Variants in RASGRP2 observed in about 807,000 individuals in gnomAD.
RASGRP2 encodes RAS guanyl releasing protein 2.
Under a neutral mutation model 71.0 loss-of-function variants are expected in RASGRP2, and 44 were observed. The observed-to-expected ratio is 0.62, with a 90% CI of 0.49 to 0.80. The LOEUF (loss-of-function observed/expected upper bound fraction) is 0.80, where lower values mean the gene tolerates loss of function less well. Ranked by LOEUF, RASGRP2 falls within the 30% of genes least tolerant of loss-of-function variation. The pLI is 0.00. For missense variants in RASGRP2, 663 were observed against 813.4 expected, an observed-to-expected ratio of 0.82 and a Z score of 2.25; for synonymous variants, 350 against 330.7, an observed-to-expected ratio of 1.06 and a Z score of -0.63.
intron 12 of RASGRP2, among the ~76,000 whole-genome samples, chr11:64,733,132 A>T (rs1426133405): frequency 1.3e-5 from 2 of 151,948 alleles, no homozygotes; most frequent in African/African-American, 4.8e-5. Context: ...CTCAAAAAAA[A>T]GAGAGGGTGA....
chr11:64,743,695 C>G lies in RASGRP2; in HGVS notation c.-72+308G>C. ...CGGCTCCTGACCCTGGCCCCGGCCC[C>G]GCACAGGCGAACTGTGAGCGCGCAC... is the stretch of plus-strand genomic sequence containing the variant. On this transcript the variant is annotated intron_variant, in intron 1 of 16. Transcript: ENST00000394432. This position sits in a 1 kb window ranked among gnomAD's most constrained non-coding sequence, Gnocchi z 4.9. 1 of 379,192 alleles carries G rather than the reference C, an allele frequency of 2.6e-6. No individual in the cohort carries two copies. The highest frequency in any genetic ancestry group is 1.9e-5 in the South Asian group (1 of 52,600). The allele number at this position is 379,192 out of a possible 1,614,324, so 23.5% of individuals were successfully genotyped here.
Position 64,743,177 on chromosome 11 carries a change from G to T in RASGRP2, c.-71-240C>A. ...TCGCGGGAAGGCCGAGGGGCTTCAC[G>T]AGGATGGGGACGAACCAAGATCCCA... On this transcript the variant is annotated intron_variant, in intron 1 of 16. Transcript: ENST00000394432. The surrounding 1 kb of genome is among the most constrained non-coding windows in gnomAD (Gnocchi z 4.9). 1.7e-6 allele frequency: 1 copy of T among 586,790 alleles called. No homozygotes were observed. Among genetic ancestry groups the T allele is most frequent in the Non-Finnish European group, 3.2e-6 (1 of 311,522 alleles). The allele number at this position is 586,790 out of a possible 1,614,324, so 36.3% of individuals were successfully genotyped here.
Position 64,743,274 on chromosome 11 carries a change from C to G in RASGRP2, c.-71-337G>C, listed in dbSNP as rs1414692539. 1 of 474,848 alleles carries G rather than the reference C, an allele frequency of 2.1e-6. No individual in the cohort carries two copies. Among genetic ancestry groups the G allele is most frequent in the African/African-American group, 2.0e-5 (1 of 50,738 alleles). The allele number at this position is 474,848 out of a possible 1,614,324, so 29.4% of individuals were successfully genotyped here. ...CCTCTCCCCAGAGGCACCTGCAGCA[C>G]CCCGCAGCTCGGCTCTGCGCCCCTC... On this transcript the variant is annotated intron_variant, in intron 1 of 16. Transcript: ENST00000394432. The surrounding 1 kb of genome is among the most constrained non-coding windows in gnomAD (Gnocchi z 4.9).
rs1451267362 is a variant in RASGRP2, at chr11:64,743,070, G to A, written c.-71-133C>T. The stretch of plus-strand genomic sequence containing the variant: ...AGTTGTCCCCCGCGGCCACTCCCGG[G>A]GTTAAACGGTCTGGCCCGGGATGGT... On this transcript the variant is annotated intron_variant, in intron 1 of 16. Coordinates refer to ENST00000394432, the MANE Select transcript of RASGRP2 (RefSeq NM_001098671.2). This position sits in a 1 kb window ranked among gnomAD's most constrained non-coding sequence, Gnocchi z 4.9. 2.9e-6 allele frequency: 3 copies of A among 1,030,950 alleles called. No homozygotes were observed. The highest frequency in any genetic ancestry group is 2.9e-6 in the Non-Finnish European group (2 of 688,628). 63.9% of individuals were successfully genotyped at this position (1,030,950 alleles called of 1,614,324 possible). A position where few individuals can be genotyped will look rare whatever the true frequency, so the allele number is the denominator to read the frequency against.
chr11:64,737,185 G>T, intron 8 of RASGRP2, 151 bp from the exon 9 acceptor site: 1 of 893,678 alleles, frequency 1.1e-6, no homozygotes, highest in Non-Finnish European at 1.8e-6. Flanking sequence ...GGCTCTCTCA[G>T]CCCCTGGGGA....
At position 64,735,238 on chromosome 11, in the gene RASGRP2, C is replaced by G. The variant is rs2057892538; in HGVS notation, c.1297-11G>C. Reference sequence around the variant, plus strand: ...GTTCCGGAACACAGACTGGGGCACGCAGAGGGACACGCAGAGCCAGAAGAG... The same window carrying G: ...GTTCCGGAACACAGACTGGGGCACGGAGAGGGACACGCAGAGCCAGAAGAG... On this transcript the variant is annotated splice_polypyrimidine_tract_variant and intron_variant, in intron 11 of 16. Coordinates refer to ENST00000394432, the MANE Select transcript of RASGRP2 (RefSeq NM_001098671.2). This position sits in a 1 kb window ranked among gnomAD's most constrained non-coding sequence, Gnocchi z 4.2. The G allele has an allele frequency of 6.2e-7, 1 of 1,602,254 alleles. No individual in the cohort carries two copies. Among genetic ancestry groups the G allele is most frequent in the Non-Finnish European group, 8.6e-7 (1 of 1,169,294 alleles).
At chr11:64,732,193 A>G (rs1398541788) in intron 12 of RASGRP2, among the ~76,000 whole-genome samples, 1 of 152,232 alleles carries the variant, frequency 6.6e-6, no homozygotes, top group Admixed American at 6.5e-5. Context: ...GAAAAAAAAC[A>G]AAAAGCAAGG....
chr11:64,727,119 G>C lies in RASGRP2; in HGVS notation c.*19C>G, dbSNP rs2057587824. ...TTCTCCAAGGCAGGAATGAGTCCTT[G>C]ATCCAACCACAGCTGGGAAGAGAAA... is the stretch of plus-strand genomic sequence containing the variant. On this transcript the variant is annotated 3_prime_UTR_variant, in exon 17 of 17. Coordinates refer to ENST00000394432, the MANE Select transcript of RASGRP2 (RefSeq NM_001098671.2). The C allele has an allele frequency of 1.4e-5, 7 of 508,342 alleles. No individual in the cohort carries two copies. The highest frequency in any genetic ancestry group is 1.2e-4 in the South Asian group (7 of 56,864). The allele number at this position is 508,342 out of a possible 1,614,324, so 31.5% of individuals were successfully genotyped here.
intron 12 of RASGRP2, 40 bp from the exon 13 acceptor site, chr11:64,730,234 C>T: frequency 6.4e-7 from 1 of 1,551,174 alleles, no homozygotes; most frequent in Middle Eastern, 1.7e-4. Flanking sequence ...CGGGCCCTCC[C>T]CAGAACCATC....
At position 64,739,749 on chromosome 11, in the gene RASGRP2, G is replaced by A. The variant is rs775948285; in HGVS notation, c.583C>T (p.Arg195Trp). ...ACGCTGTTGAAGAGGGAGATGAACCGCTCCAGGACGGGGTTGTCCACAGTG... is the reference window on the plus strand; with the variant it reads ...ACGCTGTTGAAGAGGGAGATGAACCACTCCAGGACGGGGTTGTCCACAGTG... ...GCTVDNPVLE[R>W]FISLFNSVSQ... The change falls in exon 7 of 17, where the codon CGG becomes TGG. Residue 195 changes from arginine (R) to tryptophan (W), a missense_variant. Transcript: ENST00000394432. The surrounding 1 kb of genome is among the most constrained non-coding windows in gnomAD (Gnocchi z 4.2). 5.6e-6 allele frequency: 9 copies of A among 1,613,910 alleles called. No individual in the cohort carries two copies. The highest frequency in any genetic ancestry group is 2.7e-5 in the African/African-American group (2 of 75,022).
At position 64,735,192 on chromosome 11, in the gene RASGRP2, G is replaced by A; in HGVS notation, c.1332C>T (p.Gly444=). ...TCTGGAATTCTTCCTGTGAGATGTG[G>A]CCATCCCCATCGACGTCAAAGTTCC... The part of the protein sequence containing the change: ...VFRNFDVDGD[G]HISQEEFQII... Residue 444 remains glycine (G), a synonymous_variant, in exon 12 of 17, where the codon GGC becomes GGT. Transcript: ENST00000394432. This position sits in a 1 kb window ranked among gnomAD's most constrained non-coding sequence, Gnocchi z 4.2. 1 of 1,614,174 alleles carries A rather than the reference G, an allele frequency of 6.2e-7. No individual in the cohort carries two copies. The highest frequency in any genetic ancestry group is 8.5e-7 in the Non-Finnish European group (1 of 1,180,026).
In RASGRP2 at chr11:64,729,058, T is replaced by G; in HGVS notation, c.1592-16A>C. 1.9e-6 allele frequency: 3 copies of G among 1,583,476 alleles called. No individual in the cohort carries two copies. Among genetic ancestry groups the G allele is most frequent in the Non-Finnish European group, 2.6e-6 (3 of 1,171,196 alleles). On this transcript the variant is annotated splice_polypyrimidine_tract_variant and intron_variant, in intron 14 of 16. Coordinates refer to ENST00000394432, the MANE Select transcript of RASGRP2 (RefSeq NM_001098671.2). ...ACTCCACAGGCTGGGGGAGAGCAAA[T>G]GGAGAGCCAGCCAGGGACATTGGTC... is the stretch of plus-strand genomic sequence containing the variant.
At chr11:64,741,528 T>C (rs1254993157) in intron 3 of RASGRP2, 27 bp from the exon 4 acceptor site, 2 of 1,541,380 alleles carry the variant, frequency 1.3e-6, no homozygotes, top group South Asian at 2.4e-5. Context: ...AGGAGGCCGC[T>C]TAACTCTAGA....
chr11:64,744,541 G>A, upstream of RASGRP2: 1 of 154,762 alleles, frequency 6.5e-6, no homozygotes, highest in Non-Finnish European at 1.4e-5. Flanking sequence ...GAAAAGCTGG[G>A]TGCACCGTGG....
At chr11:64,731,798 G>A (rs983555423) in intron 12 of RASGRP2, among the ~76,000 whole-genome samples, 12 of 152,200 alleles carry the variant, frequency 7.9e-5, no homozygotes, top group African/African-American at 9.7e-5. Flanking sequence ...CACTGTTGGC[G>A]AGGAAGTTGG....
Position 64,728,870 on chromosome 11 carries a change from C to G in RASGRP2, c.1764G>C (p.Arg588Ser), listed in dbSNP as rs1185717030. The G allele has an allele frequency of 1.2e-6, 2 of 1,610,038 alleles. No individual in the cohort carries two copies. Among genetic ancestry groups the G allele is most frequent in the Non-Finnish European group, 1.7e-6 (2 of 1,178,820 alleles). The change falls in exon 15 of 17, where the codon AGG becomes AGC. Residue 588 changes from arginine (R) to serine (S), a missense_variant. Transcript: ENST00000394432. ...SLPRPGRRGS[R>S]PPEIREEEVQ... ...AGAATGACTCCCTCTTACCTGGAGG[C>G]CTGGAGCCTCGCCTGCCAGGGCGGG...
intron 3 of RASGRP2, 120 bp from the exon 4 acceptor site, chr11:64,741,621 G>A: frequency 1.1e-6 from 1 of 916,798 alleles, no homozygotes; most frequent in Non-Finnish European, 1.8e-6. Flanking sequence ...GCGCTCTGCG[G>A]AGATGCTGGG....
intron 16 of RASGRP2, 48 bp downstream of exon 16, chr11:64,727,248 C>G (rs950466021): frequency 2.6e-6 from 4 of 1,558,832 alleles, no homozygotes; most frequent in Non-Finnish European, 3.5e-6. Flanking sequence ...CCCAGCTCCC[C>G]CCCAGCCCTC....
At chr11:64,729,954 G>C in intron 13 of RASGRP2, 99 bp downstream of exon 13, 1 of 1,529,088 alleles carries the variant, frequency 6.5e-7, no homozygotes, top group Non-Finnish European at 8.8e-7. Context: ...GGTTTTCCTG[G>C]CTTGAGAAGG....
Sources: gnomAD v4.1 joint callset for allele counts (sites outside exome capture counted in the v4.1 genomes callset) on GRCh38, gnomAD v4.1.1 for gene constraint, Gnocchi (gnomAD v3.1) non-coding constraint, MANE v1.5 for transcripts, NCBI Gene and HGNC (gene_info 2026-07-23, HGNC 2026-07-21) for gene names.